Variants in ZMYM2 observed in about 807,000 individuals in gnomAD.
ZMYM2 encodes zinc finger MYM-type protein 2.
In ZMYM2, 56 loss-of-function variants were observed where a neutral mutation model predicts 162.8. That is an observed-to-expected ratio of 0.34 (90% CI 0.28 to 0.43). The LOEUF is 0.43. ZMYM2 is among the 20% of genes least tolerant of loss of function. The pLI, the probability that ZMYM2 is intolerant of heterozygous loss-of-function variation, is 1.00. For missense variants in ZMYM2, 1,275 were observed against 1,621.8 expected (o/e 0.79, Z 3.67); for synonymous variants, 510 against 541.6 (o/e 0.94, Z 0.81).
chr13:19,921,359 T>C, the ZMYM2 span, among the ~76,000 whole-genome samples: 3 of 152,024 alleles, frequency 2.0e-5, no homozygotes, highest in Non-Finnish European at 4.4e-5. Context: ...AGGCTGGTCT[T>C]GAACTCCTGA....
the ZMYM2 span, among the ~76,000 whole-genome samples, chr13:19,872,590 G>A: frequency 2.0e-5 from 3 of 151,988 alleles, no homozygotes; most frequent in African/African-American, 4.8e-5. Context: ...AACAATTCAA[G>A]GTCAAAGGAG....
the ZMYM2 span, among the ~76,000 whole-genome samples, chr13:19,939,410 G>A: frequency 2.6e-5 from 4 of 151,986 alleles, no homozygotes; most frequent in Non-Finnish European, 5.9e-5. Flanking sequence ...ATATGTTTCT[G>A]TATATTGGAG....
chr13:20,013,246 C>T (rs937674740), intron 6 of ZMYM2, among the ~76,000 whole-genome samples: 2 of 152,044 alleles, frequency 1.3e-5, no homozygotes, highest in African/African-American at 4.8e-5. Context: ...TTATTAATTT[C>T]CTTTTCAGAT....
chr13:19,889,246 C>T, the ZMYM2 span, among the ~76,000 whole-genome samples: 32 of 151,908 alleles, frequency 2.1e-4, no homozygotes, highest in African/African-American at 6.6e-4. Context: ...TTGGGGTTTC[C>T]GATATCATTT....
At chr13:20,054,950 G>A (rs1044826424) in intron 14 of ZMYM2, among the ~76,000 whole-genome samples, 2 of 151,452 alleles carry the variant, frequency 1.3e-5, no homozygotes, top group Non-Finnish European at 2.9e-5. Flanking sequence ...GTTGACCCTT[G>A]AACAACATGG....
intron 4 of ZMYM2, 31 bp from the exon 5 acceptor site, chr13:20,005,043 G>T (rs760044930): frequency 9.0e-6 from 14 of 1,547,436 alleles, no homozygotes; most frequent in Middle Eastern, 1.8e-4. Flanking sequence ...CTTTTAAAAT[G>T]GAATTTTAAT....
chr13:20,040,250 T>C (rs1392643753), intron 12 of ZMYM2, among the ~76,000 whole-genome samples: 1 of 152,220 alleles, frequency 6.6e-6, no homozygotes, highest in Non-Finnish European at 1.5e-5. Context: ...TATTTATTAC[T>C]GATTCAATTT....
intron 12 of ZMYM2, 84 bp from the exon 13 acceptor site, chr13:20,051,349 C>T: frequency 3.0e-6 from 4 of 1,347,738 alleles, no homozygotes; most frequent in South Asian, 1.4e-5. Flanking sequence ...ACGGTTTTAT[C>T]ACATTTGGCA....
the ZMYM2 span, among the ~76,000 whole-genome samples, chr13:19,878,254 T>A: frequency 7.9e-5 from 12 of 152,080 alleles, no homozygotes; most frequent in Non-Finnish European, 1.5e-4. Context: ...GGTTTCACCA[T>A]GTTGGCCAGG....
the ZMYM2 span, among the ~76,000 whole-genome samples, chr13:19,944,678 T>G: frequency 6.6e-6 from 1 of 152,092 alleles, no homozygotes; most frequent in Non-Finnish European, 1.5e-5. Context: ...ATGTCCTATT[T>G]ATTTATTTAG....
chr13:20,056,765 A>G (rs1292052114), intron 14 of ZMYM2, among the ~76,000 whole-genome samples: 1 of 152,218 alleles, frequency 6.6e-6, no homozygotes, highest in Non-Finnish European at 1.5e-5. Context: ...AAGGAAGGTG[A>G]TATCAGAATG....
chr13:19,866,833 G>A, the ZMYM2 span, among the ~76,000 whole-genome samples: 260 of 152,128 alleles, frequency 1.7e-3, 4 homozygotes, highest in East Asian at 0.033. Context: ...GGTCAAAGCT[G>A]CAGTGAGCCA....
chr13:19,962,922 A>T (rs148198540), intron 2 of ZMYM2, among the ~76,000 whole-genome samples: 1 of 150,720 alleles, frequency 6.6e-6, no homozygotes, highest in African/African-American at 2.5e-5. Flanking sequence ...CCAGGGTTCA[A>T]GCATTCTCCT....
chr13:19,931,093 G>C, the ZMYM2 span, among the ~76,000 whole-genome samples: 4 of 149,350 alleles, frequency 2.7e-5, no homozygotes, highest in Non-Finnish European at 4.4e-5. Context: ...GAGCCGAGAT[G>C]GCGCCACAGC....
intron 2 of ZMYM2, among the ~76,000 whole-genome samples, chr13:19,965,031 A>G (rs1183052157): frequency 6.6e-6 from 1 of 151,216 alleles, no homozygotes; most frequent in Non-Finnish European, 1.5e-5. Context: ...GCACATGTAT[A>G]CATATGTAAC....
chr13:20,055,738 T>G (rs1566412046), intron 14 of ZMYM2, among the ~76,000 whole-genome samples: 1 of 152,142 alleles, frequency 6.6e-6, no homozygotes, highest in Non-Finnish European at 1.5e-5. Context: ...TAGTTTGTGG[T>G]ACAGCTAAGG....
At chr13:19,903,903 G>A in the ZMYM2 span, among the ~76,000 whole-genome samples, 1 of 152,024 alleles carries the variant, frequency 6.6e-6, no homozygotes, top group Non-Finnish European at 1.5e-5. Context: ...AGTGTTTAGG[G>A]AGGTTTTTTG....
intron 3 of ZMYM2, among the ~76,000 whole-genome samples, chr13:19,997,088 T>TTGGG (rs1220493712): frequency 6.6e-6 from 1 of 152,184 alleles, no homozygotes; most frequent in Non-Finnish European, 1.5e-5. Context: ...CTTTGGGTGG[T>TTGGG]TGTCTTTTAG....
the ZMYM2 span, among the ~76,000 whole-genome samples, chr13:19,893,933 T>C: frequency 1.3e-5 from 2 of 151,808 alleles, no homozygotes; most frequent in Non-Finnish European, 2.9e-5. Context: ...ACCACCACGT[T>C]TGGCTTCAAG....
Sources: allele counts gnomAD v4.1 joint callset (sites outside exome capture counted in the v4.1 genomes callset), GRCh38; gene constraint gnomAD v4.1.1; transcripts MANE v1.5; gene names NCBI Gene and HGNC (gene_info 2026-07-23, HGNC 2026-07-21).